The following TRPM3 variants were observed in gnomAD, a reference collection of about 807,000 sequenced individuals.
TRPM3 encodes transient receptor potential cation channel subfamily M member 3.
A neutral mutation model predicts 181.2 loss-of-function variants in TRPM3; 77 were observed. The observed-to-expected ratio is 0.42, with a 90% CI of 0.35 to 0.51. The LOEUF is 0.51. Ranked by LOEUF, TRPM3 falls within the 20% of genes least tolerant of loss-of-function variation. TRPM3 has a pLI of 0.01. For missense variants in TRPM3, 1,759 were observed against 2,196.7 expected, an observed-to-expected ratio of 0.80 and a Z score of 3.98; for synonymous variants, 745 against 796.4, an observed-to-expected ratio of 0.94 and a Z score of 1.09.
intron 9 of TRPM3, among the ~76,000 whole-genome samples, chr9:70,668,596 C>T (rs1344449760): frequency 5.2e-5 from 7 of 134,920 alleles, no homozygotes; most frequent in African/African-American, 2.8e-5. Context: ...ACCCGGGAGG[C>T]GGAGCTTCCA....
At chr9:71,250,841 G>A (rs1412791578) in intron 1 of TRPM3, among the ~76,000 whole-genome samples, 1 of 152,130 alleles carries the variant, frequency 6.6e-6, no homozygotes, top group Non-Finnish European at 1.5e-5. Context: ...ACGAACAAAG[G>A]GGAGAGTAAG....
chr9:71,335,119 C>T (rs1301777633), intron 1 of TRPM3, among the ~76,000 whole-genome samples: 1 of 152,102 alleles, frequency 6.6e-6, no homozygotes, highest in Non-Finnish European at 1.5e-5. Context: ...ATAAAAGCAA[C>T]TGTAATCACT....
In TRPM3 at chr9:71,397,784, GAA is replaced by G. The variant is rs796416589; in HGVS notation, c.183+48867_183+48868del. Among the ~76,000 whole-genome samples the G allele has an allele frequency of 2.8e-4, 24 of 85,494 alleles. 1 individual carries two copies. Among genetic ancestry groups the G allele is most frequent in the African/African-American group, 1.1e-3 (24 of 22,120 alleles). 56.1% of individuals were successfully genotyped at this position (85,494 alleles called of 152,430 possible). ...ATCAGAAAAAGAAAAAGAAAAAGAT[GAA>G]GAGTCTACATTATATTTCCAGAATA... is the stretch of plus-strand genomic sequence containing the variant. On this transcript the variant is annotated intron_variant, in intron 1 of 24. Coordinates refer to the TRPM3 transcript ENST00000357533.
chr9:71,166,270 A>G (rs546169611), intron 1 of TRPM3, among the ~76,000 whole-genome samples: 146 of 152,214 alleles, frequency 9.6e-4, no homozygotes, highest in African/African-American at 3.4e-3. Flanking sequence ...TCTTTCCCCA[A>G]ATATAAAGCA....
chr9:70,903,808 A>G (rs1427468619), intron 1 of TRPM3, among the ~76,000 whole-genome samples: 2 of 152,196 alleles, frequency 1.3e-5, no homozygotes, highest in South Asian at 2.1e-4. Context: ...GAGATGTACA[A>G]TGAATGAGTT....
At chr9:70,961,137 A>T (rs555089809) in intron 1 of TRPM3, among the ~76,000 whole-genome samples, 1 of 152,288 alleles carries the variant, frequency 6.6e-6, no homozygotes, top group South Asian at 2.1e-4. Context: ...AAGGCAGGCG[A>T]GTAGGAGTCA....
Position 71,010,930 on chromosome 9 carries a change from CAT to C in TRPM3, c.177+110246_177+110247del, listed in dbSNP as rs759410069. On this transcript the variant is annotated intron_variant, in intron 1 of 25. Transcript: ENST00000677713. ...AGAAAATGACACACACACACACACA[CAT>C]ACACACACACACACACACACACACA... Among the ~76,000 whole-genome samples, 574 of 63,070 alleles carry C rather than the reference CAT, an allele frequency of 9.1e-3. 9 individuals are homozygous for C. Among genetic ancestry groups the C allele is most frequent in the African/African-American group, 0.018 (466 of 25,532 alleles). 41.4% of individuals were successfully genotyped at this position (63,070 alleles called of 152,430 possible).
chr9:71,282,943 T>A (rs1324390626), intron 1 of TRPM3, among the ~76,000 whole-genome samples: 1 of 152,126 alleles, frequency 6.6e-6, no homozygotes, highest in African/African-American at 2.4e-5. Context: ...TCAGTCTCAC[T>A]TTTAGGCCTT....
intron 1 of TRPM3, among the ~76,000 whole-genome samples, chr9:70,935,155 G>A (rs954134625): frequency 3.9e-5 from 6 of 152,068 alleles, no homozygotes; most frequent in African/African-American, 9.7e-5. Flanking sequence ...TCCTTTCTGC[G>A]AGGACTTCCC....
chr9:71,168,267 C>A (rs940272381), intron 1 of TRPM3, among the ~76,000 whole-genome samples: 4 of 152,142 alleles, frequency 2.6e-5, no homozygotes, highest in African/African-American at 9.7e-5. Flanking sequence ...TATCTGCTAT[C>A]TTCCTTTGTA....
intron 1 of TRPM3, among the ~76,000 whole-genome samples, chr9:71,104,557 T>A (rs1171934403): frequency 1.3e-5 from 2 of 152,172 alleles, no homozygotes; most frequent in Admixed American, 6.6e-5. Context: ...ATTCCTCATC[T>A]GAAAACCAGA....
intron 1 of TRPM3, among the ~76,000 whole-genome samples, chr9:71,228,781 T>A (rs529964143): frequency 6.6e-6 from 1 of 152,052 alleles, no homozygotes; most frequent in South Asian, 2.1e-4. Context: ...TTCTCTACAG[T>A]AAAAACTGTA....
At chr9:70,847,786 A>T (rs1045665897) in intron 3 of TRPM3, among the ~76,000 whole-genome samples, 2 of 152,302 alleles carry the variant, frequency 1.3e-5, no homozygotes, top group South Asian at 4.1e-4. Context: ...GCCCCCACAC[A>T]GGCCTTGTCT....
chr9:71,431,510 T>C (rs1398526112), intron 1 of TRPM3, among the ~76,000 whole-genome samples: 1 of 152,208 alleles, frequency 6.6e-6, no homozygotes, highest in Non-Finnish European at 1.5e-5. Flanking sequence ...ACATCCATAG[T>C]GACCTTTAAG....
chr9:70,864,299 C>A, intron 2 of TRPM3, 133 bp downstream of exon 2: 2 of 573,822 alleles, frequency 3.5e-6, no homozygotes, highest in Non-Finnish European at 5.8e-6. Context: ...AAGATTGCCT[C>A]AAAGATGTCC....
At chr9:70,609,869 G>A (rs763571746) in intron 19 of TRPM3, among the ~76,000 whole-genome samples, 1 of 151,544 alleles carries the variant, frequency 6.6e-6, no homozygotes, top group African/African-American at 2.4e-5. Context: ...CACCGTGGCT[G>A]GAAAGAATTG....
chr9:71,343,039 G>C (rs911219436), intron 1 of TRPM3, among the ~76,000 whole-genome samples: 3 of 151,860 alleles, frequency 2.0e-5, no homozygotes, highest in Non-Finnish European at 2.9e-5. Flanking sequence ...TTTGCCAAAG[G>C]AAACACAAGA....
intron 1 of TRPM3, among the ~76,000 whole-genome samples, chr9:71,156,848 A>C (rs2076029552): frequency 6.6e-6 from 1 of 152,062 alleles, no homozygotes; most frequent in African/African-American, 2.4e-5. Context: ...ATTGGTTTGC[A>C]AAGGAAAATG....
intron 1 of TRPM3, among the ~76,000 whole-genome samples, chr9:71,404,856 T>G (rs2093407369): frequency 6.6e-6 from 1 of 152,164 alleles, no homozygotes; most frequent in Non-Finnish European, 1.5e-5. Context: ...CAAGCCATTG[T>G]CCCTGCCTGT....
Sources: gnomAD v4.1 joint callset for allele counts (sites outside exome capture counted in the v4.1 genomes callset) on GRCh38, gnomAD v4.1.1 for gene constraint, MANE v1.5 for transcripts, NCBI Gene and HGNC (gene_info 2026-07-23, HGNC 2026-07-21) for gene names.